Variants in CACNB2 observed in about 807,000 individuals in gnomAD.
CACNB2 encodes calcium voltage-gated channel auxiliary subunit beta 2.
Under a neutral mutation model 73.3 loss-of-function variants are expected in CACNB2, and 42 were observed. That is an observed-to-expected ratio of 0.57 (90% CI 0.45 to 0.74). CACNB2 has a LOEUF of 0.74. CACNB2 is among the 30% of genes least tolerant of loss of function. The pLI is 0.00. For synonymous variants in CACNB2, 348 were observed against 310.3 expected (o/e 1.12, Z -1.28); for missense variants, 940 against 853.0 (o/e 1.10, Z -1.27).
intron 2 of CACNB2, among the ~76,000 whole-genome samples, chr10:18,212,078 G>T (rs1286242451): frequency 6.6e-6 from 1 of 152,180 alleles, no homozygotes; most frequent in Non-Finnish European, 1.5e-5. Context: ...TGAATAGATT[G>T]ATATCTCAGG....
At chr10:18,422,990 G>A (rs988522446) in intron 3 of CACNB2, among the ~76,000 whole-genome samples, 20 of 152,198 alleles carry the variant, frequency 1.3e-4, no homozygotes, top group African/African-American at 3.9e-4. Flanking sequence ...GAGCCACTGC[G>A]CCTGGCCAAC....
intron 3 of CACNB2, among the ~76,000 whole-genome samples, chr10:18,438,756 C>G (rs1023816629): frequency 1.3e-5 from 2 of 152,250 alleles, no homozygotes; most frequent in African/African-American, 2.4e-5. Context: ...TCTGTTCTCC[C>G]TGGGCCTTAT....
At chr10:18,478,630 A>G (rs989352928) in intron 3 of CACNB2, among the ~76,000 whole-genome samples, 15 of 152,204 alleles carry the variant, frequency 9.9e-5, no homozygotes, top group African/African-American at 3.4e-4. Flanking sequence ...GCACACGGGG[A>G]GAATCTCAGA....
chr10:18,364,229 C>T (rs984271242), intron 2 of CACNB2, among the ~76,000 whole-genome samples: 1 of 142,654 alleles, frequency 7.0e-6, no homozygotes, highest in East Asian at 2.8e-4. Flanking sequence ...GCTGGGATTA[C>T]AGGCATGAGC....
intron 2 of CACNB2, among the ~76,000 whole-genome samples, chr10:18,183,332 TA>T (rs1455767251): frequency 7.1e-6 from 1 of 141,298 alleles, no homozygotes; most frequent in Non-Finnish European, 1.6e-5. Context: ...TGTTCTTTTT[TA>T]TTATTTTTTT....
intron 2 of CACNB2, among the ~76,000 whole-genome samples, chr10:18,264,137 A>G (rs2037681287): frequency 6.6e-6 from 1 of 152,152 alleles, no homozygotes; most frequent in Admixed American, 6.5e-5. Context: ...TGCTTTGGAG[A>G]GCAGAGACAC....
intron 2 of CACNB2, among the ~76,000 whole-genome samples, chr10:18,377,890 G>A (rs986204364): frequency 8.5e-5 from 13 of 152,196 alleles, no homozygotes; most frequent in African/African-American, 3.1e-4. Flanking sequence ...CCTTTATTCA[G>A]ATGTTACATT....
At chr10:18,175,340 A>G (rs1054034644) in intron 2 of CACNB2, among the ~76,000 whole-genome samples, 12 of 152,194 alleles carry the variant, frequency 7.9e-5, no homozygotes, top group Non-Finnish European at 1.6e-4. Context: ...TCTGCCCCCA[A>G]ATACGCAGCT....
intron 2 of CACNB2, among the ~76,000 whole-genome samples, chr10:18,203,648 G>A (rs887851120): frequency 6.6e-6 from 1 of 152,152 alleles, no homozygotes; most frequent in Non-Finnish European, 1.5e-5. Flanking sequence ...GCGAGTGATC[G>A]TTGATTATTT....
intron 2 of CACNB2, among the ~76,000 whole-genome samples, chr10:18,276,871 A>G (rs1470242869): frequency 2.0e-5 from 3 of 152,150 alleles, no homozygotes; most frequent in Non-Finnish European, 2.9e-5. Flanking sequence ...GAGCCACCAC[A>G]CCCGGCCTTG....
At chr10:18,372,116 T>G (rs1430167648) in intron 2 of CACNB2, among the ~76,000 whole-genome samples, 1 of 152,208 alleles carries the variant, frequency 6.6e-6, no homozygotes, top group Non-Finnish European at 1.5e-5. Flanking sequence ...CTTTGTCAGA[T>G]GAGTAGATTG....
At chr10:18,193,756 C>T (rs375941839) in intron 2 of CACNB2, among the ~76,000 whole-genome samples, 1 of 152,140 alleles carries the variant, frequency 6.6e-6, no homozygotes, top group African/African-American at 2.4e-5. Flanking sequence ...AGATAAACTC[C>T]TAGATTCATT....
intron 2 of CACNB2, among the ~76,000 whole-genome samples, chr10:18,202,309 T>C (rs560463914): frequency 6.6e-6 from 1 of 152,346 alleles, no homozygotes; most frequent in African/African-American, 2.4e-5. Context: ...ATTTGGATGA[T>C]GAGGATCCTC....
chr10:18,411,573 A>G (rs937572818), intron 3 of CACNB2, among the ~76,000 whole-genome samples: 8 of 139,436 alleles, frequency 5.7e-5, no homozygotes, highest in Non-Finnish European at 1.1e-4. Context: ...TAGTGCCACC[A>G]TCTTGGCTCA....
intron 2 of CACNB2, among the ~76,000 whole-genome samples, chr10:18,179,536 A>G (rs957624389): frequency 2.0e-5 from 3 of 152,114 alleles, no homozygotes; most frequent in African/African-American, 7.2e-5. Flanking sequence ...CTATAGTAAT[A>G]CATGCATGTT....
intron 2 of CACNB2, among the ~76,000 whole-genome samples, chr10:18,367,294 T>A (rs576787730): frequency 3.9e-5 from 6 of 152,160 alleles, no homozygotes; most frequent in Non-Finnish European, 8.8e-5. Flanking sequence ...ATAATTATAT[T>A]ATTTTGTTAT....
chr10:18,241,512 A>G (rs1034913357), intron 2 of CACNB2, among the ~76,000 whole-genome samples: 2 of 152,152 alleles, frequency 1.3e-5, no homozygotes, highest in East Asian at 3.9e-4. Context: ...GCAGCAAACC[A>G]CCATGGCATA....
intron 12 of CACNB2, among the ~76,000 whole-genome samples, chr10:18,537,840 A>T (rs905631207): frequency 1.4e-4 from 22 of 152,196 alleles, no homozygotes; most frequent in African/African-American, 5.3e-4. Context: ...TTCCTATTCT[A>T]TTCTATTCTG....
In CACNB2 at chr10:18,426,542, C is replaced by T. The variant is rs545486626; in HGVS notation, c.333+24499C>T. ...TAGGACAGTCATAGCATGTGAATAA[C>T]GGAAATTCTATTTCTGGTTGAGCAC... On this transcript the variant is annotated intron_variant, in intron 3 of 13. Coordinates refer to ENST00000324631, the MANE Select transcript of CACNB2 (RefSeq NM_201596.3). Among the ~76,000 whole-genome samples, 7 of 152,208 alleles carry T rather than the reference C, an allele frequency of 4.6e-5. No homozygotes were observed. In the South Asian group the frequency reaches 1.0e-3, roughly 23 times the overall value.
Sources: gnomAD v4.1 joint callset for allele counts (sites outside exome capture counted in the v4.1 genomes callset) on GRCh38, gnomAD v4.1.1 for gene constraint, MANE v1.5 for transcripts, NCBI Gene and HGNC (gene_info 2026-07-23, HGNC 2026-07-21) for gene names.